DLG2: variants seen among roughly 807,000 people sequenced by gnomAD.
The protein encoded by DLG2 is disks large homolog 2.
DLG2 carries 45 observed loss-of-function variants against 132.5 expected under a neutral mutation model. The observed-to-expected ratio is 0.34, with a 90% CI of 0.27 to 0.44. The LOEUF (loss-of-function observed/expected upper bound fraction) is 0.44. Ranked by LOEUF, DLG2 falls within the 20% of genes least tolerant of loss-of-function variation. The pLI is 1.00. For synonymous variants in DLG2, 424 were observed against 419.6 expected (o/e 1.01, Z -0.13); for missense variants, 1,045 against 1,196.9 (o/e 0.87, Z 1.87).
chr11:84,106,842 TTTGAGTGA>T (rs2092960418), intron 9 of DLG2, among the ~76,000 whole-genome samples: 3 of 99,942 alleles, frequency 3.0e-5, no homozygotes, highest in African/African-American at 7.3e-5. Flanking sequence ...TGTGTGTGTG[TTTGAGTGA>T]GTGTGTGTGT....
intron 19 of DLG2, among the ~76,000 whole-genome samples, chr11:83,623,691 C>G (rs2062012037): frequency 6.6e-6 from 1 of 152,190 alleles, no homozygotes; most frequent in South Asian, 2.1e-4. Flanking sequence ...AAAGTTCATT[C>G]CACAAGTATT....
chr11:84,180,917 G>A (rs12793913), intron 8 of DLG2, among the ~76,000 whole-genome samples: 9,700 of 151,934 alleles, frequency 0.064, 382 homozygotes, highest in African/African-American at 0.097. Context: ...AAATATTGCA[G>A]TAAGTACTTC....
At chr11:84,196,691 T>A (rs1433847952) in intron 8 of DLG2, among the ~76,000 whole-genome samples, 1 of 152,218 alleles carries the variant, frequency 6.6e-6, no homozygotes, top group Non-Finnish European at 1.5e-5. Flanking sequence ...GTTATTTCTA[T>A]AATTTACATT....
chr11:84,098,884 A>G, intron 10 of DLG2, 39 bp downstream of exon 10: 1 of 1,603,032 alleles, frequency 6.2e-7, no homozygotes, highest in Non-Finnish European at 8.5e-7. Context: ...GATGCAGCAG[A>G]TTTACTTTCA....
At chr11:84,740,370 A>G (rs1046156164) in intron 6 of DLG2, among the ~76,000 whole-genome samples, 1 of 152,178 alleles carries the variant, frequency 6.6e-6, no homozygotes, top group East Asian at 1.9e-4. Flanking sequence ...TATACTTACA[A>G]TCCTTACTAC....
chr11:84,074,970 C>T (rs2096807301), intron 10 of DLG2, among the ~76,000 whole-genome samples: 1 of 152,130 alleles, frequency 6.6e-6, no homozygotes, highest in Admixed American at 6.5e-5. Flanking sequence ...TATTCTTGTG[C>T]TCTCATCTTC....
intron 6 of DLG2, among the ~76,000 whole-genome samples, chr11:84,817,090 A>C (rs1203363702): frequency 6.6e-6 from 1 of 152,016 alleles, no homozygotes; most frequent in Non-Finnish European, 1.5e-5. Context: ...CCATGCAAAC[A>C]TGAGTTTCGC....
chr11:83,964,884 G>T (rs750004456), intron 13 of DLG2, among the ~76,000 whole-genome samples: 1 of 151,794 alleles, frequency 6.6e-6, no homozygotes, highest in African/African-American at 2.4e-5. Context: ...TCATAATTTC[G>T]CCATTCAATT....
intron 18 of DLG2, among the ~76,000 whole-genome samples, chr11:83,719,556 GA>G (rs1180237411): frequency 6.6e-6 from 1 of 152,182 alleles, no homozygotes; most frequent in African/African-American, 2.4e-5. Flanking sequence ...GGCATGTGCA[GA>G]AGTCAAACAG....
intron 3 of DLG2, among the ~76,000 whole-genome samples, chr11:85,416,232 G>A (rs2089834862): frequency 1.3e-5 from 2 of 149,314 alleles, no homozygotes; most frequent in African/African-American, 5.1e-5. Context: ...TTAGTCTATT[G>A]TCAAAGATCA....
intron 21 of DLG2, among the ~76,000 whole-genome samples, chr11:83,513,710 G>T (rs12279615): frequency 1.3e-5 from 2 of 152,144 alleles, no homozygotes; most frequent in South Asian, 2.1e-4. Flanking sequence ...TTTGTATGAG[G>T]TGTAAGGAAG....
intron 3 of DLG2, among the ~76,000 whole-genome samples, chr11:85,552,968 GA>G (rs2076749163): frequency 1.3e-5 from 2 of 151,592 alleles, no homozygotes; most frequent in African/African-American, 2.4e-5. Flanking sequence ...ACATCATTGA[GA>G]AACTTCAGAT....
At chr11:85,217,575 T>C (rs1265505151) in intron 4 of DLG2, among the ~76,000 whole-genome samples, 1 of 152,234 alleles carries the variant, frequency 6.6e-6, no homozygotes, top group Non-Finnish European at 1.5e-5. Flanking sequence ...TAGGAGATTC[T>C]ACTATGCTGT....
intron 6 of DLG2, among the ~76,000 whole-genome samples, chr11:84,816,588 C>T (rs555550883): frequency 2.6e-5 from 4 of 151,690 alleles, no homozygotes; most frequent in Admixed American, 1.3e-4. Flanking sequence ...TACTATGTAC[C>T]TTATATACAG....
intron 11 of DLG2, among the ~76,000 whole-genome samples, chr11:84,031,045 C>A (rs780455909): frequency 3.3e-5 from 5 of 152,056 alleles, no homozygotes; most frequent in Admixed American, 6.6e-5. Context: ...ATCCGGAAAA[C>A]CATAGTCTTG....
At chr11:85,416,534 G>C (rs182030625) in intron 3 of DLG2, among the ~76,000 whole-genome samples, 2 of 152,186 alleles carry the variant, frequency 1.3e-5, no homozygotes, top group East Asian at 1.9e-4. Flanking sequence ...ACTTTAGGCA[G>C]TATGGCCATT....
At chr11:85,021,540 C>G (rs571740222) in intron 6 of DLG2, 6 of 1,587,494 alleles carry the variant, frequency 3.8e-6, no homozygotes, top group Non-Finnish European at 5.2e-6. Context: ...TGCCATACTT[C>G]GAAAAGATTG....
chr11:84,824,751 T>C (rs1017384361), intron 6 of DLG2, among the ~76,000 whole-genome samples: 1 of 151,904 alleles, frequency 6.6e-6, no homozygotes, highest in Non-Finnish European at 1.5e-5. Context: ...AGGCTGTGTA[T>C]GGTCATAGGC....
chr11:85,467,274 C>T (rs1197271964), intron 3 of DLG2, among the ~76,000 whole-genome samples: 1 of 152,196 alleles, frequency 6.6e-6, no homozygotes, highest in Non-Finnish European at 1.5e-5. Flanking sequence ...ATTTGACTTC[C>T]TCTTTTCCTA....
Sources: gnomAD v4.1 joint callset for allele counts (sites outside exome capture counted in the v4.1 genomes callset) on GRCh38, gnomAD v4.1.1 for gene constraint, MANE v1.5 for transcripts, NCBI Gene and HGNC (gene_info 2026-07-23, HGNC 2026-07-21) for gene names.